The following EPRS1 variants were observed in gnomAD, a reference collection of about 807,000 sequenced individuals.
The protein encoded by EPRS1 is glutamyl-prolyl-tRNA synthetase 1, also known as bifunctional glutamate/proline--tRNA ligase.
In EPRS1, 107 loss-of-function variants were observed where a neutral mutation model predicts 188.3. The ratio of observed to expected loss-of-function variants is 0.57; its 90% confidence interval spans 0.49 to 0.67. EPRS1 has a LOEUF of 0.67. EPRS1 is among the 30% of genes least tolerant of loss of function. The probability of loss-of-function intolerance (pLI) is 0.00; values close to 1 mark genes in which losing one functional copy is unlikely to be tolerated. For missense variants in EPRS1, 1,577 were observed against 1,802.2 expected, an observed-to-expected ratio of 0.88 and a Z score of 2.26; for synonymous variants, 596 against 593.1, an observed-to-expected ratio of 1.00 and a Z score of -0.07.
intron 8 of EPRS1, among the ~76,000 whole-genome samples, 163 bp downstream of exon 8, chr1:220,024,101 G>A (rs1295304455): frequency 3.3e-5 from 5 of 152,108 alleles, no homozygotes; most frequent in East Asian, 1.9e-4. Flanking sequence ...GCAGTGAGCC[G>A]AGATCGCGCC....
intron 1 of EPRS1, among the ~76,000 whole-genome samples, chr1:220,044,696 A>T (rs910354836): frequency 8.8e-6 from 1 of 113,944 alleles, no homozygotes; most frequent in Non-Finnish European, 1.7e-5. Context: ...AAAAAAAAAA[A>T]AAAAAAAAAA....
intron 16 of EPRS1, among the ~76,000 whole-genome samples, chr1:220,003,640 A>G (rs1396263373): frequency 6.6e-6 from 1 of 152,218 alleles, no homozygotes; most frequent in Non-Finnish European, 1.5e-5. Flanking sequence ...TTCTAGCACT[A>G]TTTGTTGAAA....
chr1:220,001,951 C>A (rs1246811237), intron 16 of EPRS1, among the ~76,000 whole-genome samples: 1 of 151,812 alleles, frequency 6.6e-6, no homozygotes, highest in East Asian at 2.0e-4. Context: ...ATCACTTGAA[C>A]CTGGGAGACA....
chr1:220,018,553 T>C (rs1194990664), intron 11 of EPRS1, 45 bp from the exon 12 acceptor site: 1 of 1,309,992 alleles, frequency 7.6e-7, no homozygotes, highest in East Asian at 2.3e-5. Context: ...GCAGTATTAA[T>C]TAGAACTTTG....
At chr1:219,981,317 TAAAA>T (rs10595099) in intron 24 of EPRS1, 57 bp downstream of exon 24, 124,005 of 920,048 alleles carry the variant, frequency 0.13, 62 homozygotes, top group East Asian at 0.17. Context: ...AAATGTGCTT[TAAAA>T]AAAAAAAAAA....
Position 219,981,307 on chromosome 1 carries a change from A to G in EPRS1, c.3453+71T>C, listed in dbSNP as rs1011910207. The G allele has an allele frequency of 2.7e-5, 28 of 1,047,730 alleles. No individual in the cohort carries two copies. The African/African-American group carries it at 4.9e-4, about 18-fold the overall frequency. The allele number at this position is 1,047,730 out of a possible 1,614,324, so 64.9% of individuals were successfully genotyped here. A position where few individuals can be genotyped will look rare whatever the true frequency, so the allele number is the denominator to read the frequency against. On this transcript the variant is annotated intron_variant, in intron 24 of 31. Transcript: ENST00000366923. ...TCCCAATCCTTTGAAAATAAAAACA[A>G]AATGTGCTTTAAAAAAAAAAAAAAA...
At chr1:220,028,002 C>A (rs965237156) in intron 6 of EPRS1, among the ~76,000 whole-genome samples, 3 of 151,800 alleles carry the variant, frequency 2.0e-5, no homozygotes, top group Non-Finnish European at 4.4e-5. Flanking sequence ...ACAAATGTAC[C>A]ATAATAATGT....
intron 2 of EPRS1, among the ~76,000 whole-genome samples, chr1:220,035,566 C>A (rs763530904): frequency 2.6e-5 from 4 of 152,160 alleles, no homozygotes; most frequent in Non-Finnish European, 5.9e-5. Context: ...TGGTGACTCA[C>A]ACCTGTAATC....
In EPRS1 at chr1:219,997,333, G is replaced by A. The variant is rs775839046; in HGVS notation, c.2191C>T (p.Pro731Ser). 1 of 1,587,404 alleles carries A rather than the reference G, an allele frequency of 6.3e-7. No homozygotes were observed. Among genetic ancestry groups the A allele is most frequent in the South Asian group, 1.2e-5 (1 of 85,994 alleles). ...GAAGGTGTTGGTCTTTCCTTAAAAG[G>A]AGCAGAGGTCTACCAAGAGAGAAAA... ...VEATKNETSA[P>S]FKERPTPSLN... The change falls in exon 18 of 32, where the codon CCT becomes TCT. Residue 731 changes from proline to serine, a missense_variant. Around this residue, in one of 3 missense-constraint regions of EPRS1, gnomAD observed 1,278 missense variants for 1,457.4 expected, o/e 0.88. Transcript: ENST00000366923.
Position 219,982,647 on chromosome 1 carries a change from A to T in EPRS1, c.3373+125T>A, listed in dbSNP as rs960585694. 4.2e-6 allele frequency: 3 copies of T among 707,680 alleles called. No homozygotes were observed. In the African/African-American group the frequency reaches 5.4e-5, roughly 13 times the overall value. 43.8% of individuals were successfully genotyped at this position (707,680 alleles called of 1,614,324 possible). ...AAGTTTGCATTCAATCTTCATCAAC[A>T]TTCATGAAATGTTATATCGTCAACA... On this transcript the variant is annotated intron_variant, in intron 23 of 31. Transcript: ENST00000366923.
intron 15 of EPRS1, 59 bp downstream of exon 15, chr1:220,006,047 A>AT: frequency 2.0e-6 from 2 of 988,162 alleles, no homozygotes; most frequent in Non-Finnish European, 2.9e-6. Flanking sequence ...TATAAAATTA[A>AT]TTTTTTTAAT....
At chr1:220,022,233 C>T in intron 9 of EPRS1, 114 bp downstream of exon 9, 1 of 887,592 alleles carries the variant, frequency 1.1e-6, no homozygotes, top group East Asian at 2.5e-5. Flanking sequence ...CCAGTGAACC[C>T]ATGGATGAAC....
chr1:220,044,487 G>A (rs1290218782), intron 1 of EPRS1, among the ~76,000 whole-genome samples: 1 of 152,040 alleles, frequency 6.6e-6, no homozygotes, highest in Admixed American at 6.6e-5. Context: ...CACTTTGGGA[G>A]GCCAAGGCGG....
intron 28 of EPRS1, among the ~76,000 whole-genome samples, chr1:219,977,188 TAAA>T (rs1290785004): frequency 6.6e-6 from 1 of 152,216 alleles, no homozygotes; most frequent in East Asian, 1.9e-4. Context: ...AAAATGGCAT[TAAA>T]AAGTATAACT....
At chr1:220,046,074 C>A (rs1662396165) in intron 1 of EPRS1, among the ~76,000 whole-genome samples, 1 of 152,318 alleles carries the variant, frequency 6.6e-6, no homozygotes, top group Non-Finnish European at 1.5e-5. Context: ...AGAAAAAGAT[C>A]CGAAGCGGAG....
Position 220,006,135 on chromosome 1 carries a change from A to G in EPRS1, c.1921T>C (p.Phe641Leu). ...CTGTTCTTGTTGACATACTGCTTAAAGTCCTCGTCTTTTCCTAGCACTGGC... is the reference window on the plus strand; with the variant it reads ...CTGTTCTTGTTGACATACTGCTTAAGGTCCTCGTCTTTTCCTAGCACTGGC... ...TKPVLGKDEDFKQYVNKNSKH... is the reference protein window; with the variant it reads ...TKPVLGKDEDLKQYVNKNSKH... The change falls in exon 15 of 32, where the codon TTT becomes CTT. Residue 641 changes from phenylalanine to leucine, a missense_variant. Physicochemically the swap from Phe to Leu is conservative, Grantham distance 22. This residue lies in a region of EPRS1 where 1,278 missense variants were observed against 1,457.4 expected (regional missense o/e 0.88). Coordinates refer to ENST00000366923, the MANE Select transcript of EPRS1 (RefSeq NM_004446.3). 1 of 1,591,130 alleles carries G rather than the reference A, an allele frequency of 6.3e-7. No homozygotes were observed. Among genetic ancestry groups the G allele is most frequent in the Middle Eastern group, 1.7e-4 (1 of 5,968 alleles).
chr1:220,005,840 T>G (rs1437529507), intron 15 of EPRS1, among the ~76,000 whole-genome samples: 2 of 22,748 alleles, frequency 8.8e-5, no homozygotes, highest in Admixed American at 7.1e-4. Context: ...TTTTTTTTTT[T>G]GTTTTTTTTT....
intron 2 of EPRS1, among the ~76,000 whole-genome samples, 174 bp from the exon 3 acceptor site, chr1:220,035,187 G>C (rs1197784602): frequency 6.6e-6 from 1 of 152,162 alleles, no homozygotes; most frequent in African/African-American, 2.4e-5. Context: ...TTTCACTCTT[G>C]TTGCCCAAGC....
At position 220,020,148 on chromosome 1, in the gene EPRS1, T is replaced by C. The variant is rs767293057; in HGVS notation, c.1189A>G (p.Thr397Ala). 1.2e-6 allele frequency: 2 copies of C among 1,614,016 alleles called. No individual in the cohort carries two copies. The highest frequency in any genetic ancestry group is 2.7e-5 in the African/African-American group (2 of 74,918). Reference sequence around the variant, plus strand: ...TGCTCATCTCTGTCATGGTATTCTGTTGTTCTCAGGGCATGTGTAACACCT... The same window carrying C: ...TGCTCATCTCTGTCATGGTATTCTGCTGTTCTCAGGGCATGTGTAACACCT... ...IEGVTHALRT[T>A]EYHDRDEQFY... The change falls in exon 10 of 32, where the codon ACA (threonine) becomes GCA (alanine). Residue 397 changes from threonine (T) to alanine (A), a missense_variant. By Grantham distance (58) the Thr-to-Ala change is moderately conservative. Around this residue, in one of 3 missense-constraint regions of EPRS1, gnomAD observed 1,278 missense variants for 1,457.4 expected, o/e 0.88. Coordinates refer to ENST00000366923, the MANE Select transcript of EPRS1 (RefSeq NM_004446.3).
Sources: gnomAD v4.1 joint callset for allele counts (sites outside exome capture counted in the v4.1 genomes callset) on GRCh38, gnomAD v4.1.1 for gene constraint, gnomAD v4.1.1 regional missense constraint, MANE v1.5 for transcripts, NCBI Gene and HGNC (gene_info 2026-07-23, HGNC 2026-07-21) for gene names.